The following KLF8 variants were observed in gnomAD, a reference collection of about 807,000 sequenced individuals.
The protein encoded by KLF8 is KLF transcription factor 8.
A neutral mutation model predicts 18.2 loss-of-function variants in KLF8; 10 were observed. The observed-to-expected ratio is 0.55, with a 90% CI of 0.34 to 0.93. KLF8 has a LOEUF of 0.93. Ranked by LOEUF, KLF8 falls within the 40% of genes least tolerant of loss-of-function variation. KLF8 has a pLI of 0.02. For missense variants in KLF8, 264 were observed against 277.9 expected, an observed-to-expected ratio of 0.95 and a Z score of 0.36; for synonymous variants, 109 against 97.3, an observed-to-expected ratio of 1.12 and a Z score of -0.71.
the KLF8 span, among the ~76,000 whole-genome samples, chrX:56,173,323 G>A: frequency 1.8e-5 from 2 of 111,966 alleles, no homozygotes; most frequent in African/African-American, 6.5e-5. Context: ...CATATGGCTA[G>A]CCAGTTTTCC....
At chrX:56,084,431 G>T in the KLF8 span, among the ~76,000 whole-genome samples, 2 of 110,531 alleles carry the variant, frequency 1.8e-5, no homozygotes, top group East Asian at 2.8e-4. Flanking sequence ...TTTGCTCTCT[G>T]CAAGGAAAAA....
the KLF8 span, among the ~76,000 whole-genome samples, chrX:56,155,493 A>G: frequency 2.7e-5 from 3 of 110,918 alleles, no homozygotes; most frequent in Non-Finnish European, 5.7e-5. Flanking sequence ...ATTAGGAGAT[A>G]TACTTAATGT....
chrX:56,005,364 C>T, the KLF8 span, among the ~76,000 whole-genome samples: 1 of 111,961 alleles, frequency 8.9e-6, no homozygotes, highest in Non-Finnish European at 1.9e-5. Flanking sequence ...AGTGGCTGTG[C>T]AGCAGGGTGC....
At chrX:56,034,438 C>T in the KLF8 span, among the ~76,000 whole-genome samples, 1 of 111,770 alleles carries the variant, frequency 8.9e-6, no homozygotes, top group South Asian at 3.7e-4. Context: ...AATGTGAAAT[C>T]AGATAGTGCC....
chrX:56,225,263 C>T, the KLF8 span, among the ~76,000 whole-genome samples: 1 of 110,774 alleles, frequency 9.0e-6, no homozygotes, highest in African/African-American at 3.3e-5. Context: ...CCTTTGTTTC[C>T]ATCTCTGGCT....
the KLF8 span, among the ~76,000 whole-genome samples, chrX:55,933,457 A>G: frequency 8.9e-6 from 1 of 112,214 alleles, no homozygotes; most frequent in African/African-American, 3.2e-5. Context: ...TGGCAAACAA[A>G]AAGAATATTC....
the KLF8 span, among the ~76,000 whole-genome samples, chrX:56,093,111 G>A: frequency 1.8e-5 from 2 of 109,606 alleles, no homozygotes; most frequent in Non-Finnish European, 1.9e-5. Context: ...AGAAAAAAGA[G>A]AAGAAACAGA....
chrX:55,985,742 T>A, the KLF8 span, among the ~76,000 whole-genome samples: 2 of 111,032 alleles, frequency 1.8e-5, no homozygotes, highest in African/African-American at 6.6e-5. Flanking sequence ...TTTCACAATA[T>A]CAGTTCTTCC....
chrX:56,236,984 T>C lies in KLF8; in HGVS notation c.7+3643T>C, dbSNP rs528512560. ...ATGGATATATATATATATATATATA[T>C]GGTTCAGTATCTTCTGATTATTCAA... On this transcript the variant is annotated intron_variant, in intron 1 of 5. Transcript: ENST00000468660. 3.8e-5 allele frequency among the ~76,000 whole-genome samples: 4 copies of C among 105,577 alleles called. No homozygotes were observed. In the South Asian group the frequency reaches 1.7e-3, roughly 45 times the overall value. The allele number at this position is 105,577 out of a possible 115,157, so 91.7% of individuals were successfully genotyped here. A position where few individuals can be genotyped will look rare whatever the true frequency, so the allele number is the denominator to read the frequency against.
chrX:56,020,682 G>A, the KLF8 span, among the ~76,000 whole-genome samples: 23 of 111,437 alleles, frequency 2.1e-4, no homozygotes, highest in East Asian at 5.6e-3. Flanking sequence ...AGGTGCTTCC[G>A]GAACATTTAG....
the KLF8 span, among the ~76,000 whole-genome samples, chrX:55,967,565 G>C: frequency 9.0e-6 from 1 of 110,664 alleles, no homozygotes; most frequent in East Asian, 2.8e-4. Context: ...AGTAGCAAAA[G>C]CTGAGGGATT....
the KLF8 span, among the ~76,000 whole-genome samples, chrX:55,987,602 G>C: frequency 8.9e-6 from 1 of 112,138 alleles, no homozygotes; most frequent in Non-Finnish European, 1.9e-5. Context: ...GTCTATCATT[G>C]TTGGACATTT....
At chrX:56,037,854 G>A in the KLF8 span, among the ~76,000 whole-genome samples, 9 of 111,520 alleles carry the variant, frequency 8.1e-5, no homozygotes, top group African/African-American at 2.3e-4. Flanking sequence ...GTTATAAAAT[G>A]TACAATTAAG....
At chrX:55,931,464 G>A in the KLF8 span, among the ~76,000 whole-genome samples, 1 of 111,575 alleles carries the variant, frequency 9.0e-6, no homozygotes, top group Non-Finnish European at 1.9e-5. Context: ...TGTAATGTTA[G>A]GGTGTTGATT....
intron 1 of KLF8, among the ~76,000 whole-genome samples, chrX:56,238,959 A>C (rs2066512205): frequency 9.0e-6 from 1 of 111,703 alleles, no homozygotes; most frequent in South Asian, 3.8e-4. Flanking sequence ...CCTTGCCTTC[A>C]TGGAGTATGC....
At chrX:56,141,561 A>G in the KLF8 span, among the ~76,000 whole-genome samples, 155 of 111,445 alleles carry the variant, frequency 1.4e-3, no homozygotes, top group Non-Finnish European at 2.3e-3. Context: ...CTATTTTTGA[A>G]ATCTCTTATT....
the KLF8 span, among the ~76,000 whole-genome samples, chrX:56,115,254 G>T: frequency 9.0e-6 from 1 of 110,999 alleles, no homozygotes; most frequent in South Asian, 3.8e-4. Flanking sequence ...TCACACACAA[G>T]AAATCATTTT....
the KLF8 span, among the ~76,000 whole-genome samples, chrX:56,056,646 T>C: frequency 2.4e-5 from 1 of 42,524 alleles, no homozygotes; most frequent in Non-Finnish European, 4.0e-5. Flanking sequence ...CTGGGGACTG[T>C]GGTGGGGTGG....
chrX:55,933,170 A>G, the KLF8 span, among the ~76,000 whole-genome samples: 1 of 111,436 alleles, frequency 9.0e-6, no homozygotes, highest in South Asian at 3.7e-4. Context: ...TTTGCTTTTC[A>G]TACTTTAATG....
Sources: allele counts gnomAD v4.1 joint callset (sites outside exome capture counted in the v4.1 genomes callset), GRCh38; gene constraint gnomAD v4.1.1; transcripts MANE v1.5; gene names NCBI Gene and HGNC (gene_info 2026-07-23, HGNC 2026-07-21).